OLFML2A: variants seen among roughly 807,000 people sequenced by gnomAD.
The protein encoded by OLFML2A is olfactomedin like 2A, also known as olfactomedin-like protein 2A.
Under a neutral mutation model 60.9 loss-of-function variants are expected in OLFML2A, and 47 were observed. That is an observed-to-expected ratio of 0.77 (90% CI 0.61 to 0.98). The LOEUF (loss-of-function observed/expected upper bound fraction) is 0.98. Among genes scored for constraint, OLFML2A ranks in the 50% least tolerant of loss-of-function variants. The pLI is 0.00. For synonymous variants in OLFML2A, 372 were observed against 375.0 expected, an observed-to-expected ratio of 0.99 and a Z score of 0.09; for missense variants, 922 against 879.8, an observed-to-expected ratio of 1.05 and a Z score of -0.61.
At position 124,777,412 on chromosome 9, in the gene OLFML2A, G is replaced by T; in HGVS notation, c.90+52G>T. On this transcript the variant is annotated intron_variant, in intron 1 of 7. Transcript: ENST00000373580. The surrounding 1 kb of genome is among the most constrained non-coding windows in gnomAD (Gnocchi z 6.2). ...GCTCGGCGGGTAGCGGGGCGCGAGG[G>T]GGCGCTGTGGCTGGGGTGCGGCCCG... The T allele has an allele frequency of 8.2e-7, 1 of 1,223,356 alleles. No homozygotes were observed. Among genetic ancestry groups the T allele is most frequent in the South Asian group, 3.8e-5 (1 of 26,476 alleles). The allele number at this position is 1,223,356 out of a possible 1,614,324, so 75.8% of individuals were successfully genotyped here. A position where few individuals can be genotyped will look rare whatever the true frequency, so the allele number is the denominator to read the frequency against.
At position 124,804,416 on chromosome 9, in the gene OLFML2A, C is replaced by T. The variant is rs1841849358; in HGVS notation, c.1168+74C>T. 3.2e-5 allele frequency: 45 copies of T among 1,398,534 alleles called. 1 individual carries two copies. The South Asian group carries it at 5.9e-4, about 18-fold the overall frequency. The allele number at this position is 1,398,534 out of a possible 1,614,324, so 86.6% of individuals were successfully genotyped here. On this transcript the variant is annotated intron_variant, in intron 6 of 7. Transcript: ENST00000373580. ...TAGCCCACAGCCTGTTTCTGTGAAG[C>T]CCTCAAGTTAAGAAATGCTTTTTAT...
At position 124,813,978 on chromosome 9, in the gene OLFML2A, A is replaced by T. The variant is rs180831648; in HGVS notation, c.*3566A>T. 2.0e-5 allele frequency: 3 copies of T among 152,384 alleles called. No homozygotes were observed. The highest frequency in any genetic ancestry group is 2.9e-5 in the Non-Finnish European group (2 of 68,048). The allele number at this position is 152,384 out of a possible 1,614,324, so 9.4% of individuals were successfully genotyped here. On this transcript the variant is annotated 3_prime_UTR_variant, in exon 8 of 8. Coordinates refer to ENST00000373580, the MANE Select transcript of OLFML2A (RefSeq NM_182487.4). ...CCAGGTCTTCTTGCTGACCTCGTCTACAAAGGCAAAGGAAGGCAAAGGAAG... is the reference window on the plus strand; with the variant it reads ...CCAGGTCTTCTTGCTGACCTCGTCTTCAAAGGCAAAGGAAGGCAAAGGAAG...
In OLFML2A at chr9:124,777,439, G is replaced by T. The variant is rs1841278917; in HGVS notation, c.90+79G>T. On this transcript the variant is annotated intron_variant, in intron 1 of 7. Coordinates refer to ENST00000373580, the MANE Select transcript of OLFML2A (RefSeq NM_182487.4). The surrounding 1 kb of genome is among the most constrained non-coding windows in gnomAD (Gnocchi z 6.2). ...GCGCTGTGGCTGGGGTGCGGCCCGG[G>T]AGGGAGCCCGGGGCCAGGGCGGAGG... is the stretch of plus-strand genomic sequence containing the variant. 1.7e-6 allele frequency: 2 copies of T among 1,203,578 alleles called. No homozygotes were observed. The highest frequency in any genetic ancestry group is 6.7e-5 in the East Asian group (2 of 29,960). The allele number at this position is 1,203,578 out of a possible 1,614,324, so 74.6% of individuals were successfully genotyped here. A position where few individuals can be genotyped will look rare whatever the true frequency, so the allele number is the denominator to read the frequency against.
chr9:124,802,344 G>A (rs970087167), intron 5 of OLFML2A, among the ~76,000 whole-genome samples: 2 of 152,178 alleles, frequency 1.3e-5, no homozygotes, highest in Admixed American at 6.5e-5. Context: ...GTCCCAGAGG[G>A]GTGTCCCAAA....
chr9:124,784,031 G>A (rs1300486011), intron 1 of OLFML2A, among the ~76,000 whole-genome samples: 1 of 152,066 alleles, frequency 6.6e-6, no homozygotes, highest in African/African-American at 2.4e-5. Flanking sequence ...GGGAGGGTAT[G>A]GCATATGCAA....
In OLFML2A at chr9:124,790,424, C is replaced by T. The variant is rs150649140; in HGVS notation, c.354+3186C>T. 2.9e-3 allele frequency among the ~76,000 whole-genome samples: 448 copies of T among 152,252 alleles called. 2 individuals carry two copies. Among genetic ancestry groups the T allele is most frequent in the African/African-American group, 0.01 (426 of 41,542 alleles). On this transcript the variant is annotated intron_variant, in intron 2 of 7. Transcript: ENST00000373580. ...TCCTGACCTCAAGTGATCCACGTCC[C>T]TCGGCCTCCCAATATGCTGGGATTA...
chr9:124,806,664 C>T (rs987783925), intron 6 of OLFML2A, among the ~76,000 whole-genome samples: 2 of 151,526 alleles, frequency 1.3e-5, no homozygotes, highest in African/African-American at 2.4e-5. Flanking sequence ...CTCTGTCACC[C>T]GGCTGGAGTG....
chr9:124,790,318 C>CGG, intron 2 of OLFML2A, among the ~76,000 whole-genome samples: 1 of 152,116 alleles, frequency 6.6e-6, no homozygotes, highest in South Asian at 2.1e-4. Context: ...TACAGGCGTT[C>CGG]GCCACCATGC....
Position 124,788,347 on chromosome 9 carries a change from C to T in OLFML2A, c.354+1109C>T, listed in dbSNP as rs149594795. Among the ~76,000 whole-genome samples the T allele has an allele frequency of 5.9e-4, 90 of 151,312 alleles. No homozygotes were observed. The East Asian group carries it at 0.015, about 26-fold the overall frequency. ...CCCAGGCCGGGTGCAGTGGCTCATGCCTGTAATCCCAGCACTTTGGGAGAC... is the reference window on the plus strand; with the variant it reads ...CCCAGGCCGGGTGCAGTGGCTCATGTCTGTAATCCCAGCACTTTGGGAGAC... On this transcript the variant is annotated intron_variant, in intron 2 of 7. Coordinates refer to ENST00000373580, the MANE Select transcript of OLFML2A (RefSeq NM_182487.4).
chr9:124,789,789 T>G (rs966359276), intron 2 of OLFML2A, among the ~76,000 whole-genome samples: 2 of 152,134 alleles, frequency 1.3e-5, no homozygotes, highest in African/African-American at 2.4e-5. Flanking sequence ...CTCTCAAAAT[T>G]GGGTGGGGAG....
rs367749008 is a variant in OLFML2A at position 124,787,116 on chromosome 9, G to A, written c.232G>A (p.Glu78Lys). The change falls in exon 2 of 8, where the codon GAG becomes AAG. Residue 78 changes from glutamate to lysine, a missense_variant. Transcript: ENST00000373580. ...RARVEDFYTV[E>K]TVSSGTDCRC... is the part of the protein sequence containing the mutation. ...ACGCGTGGAGGACTTCTACACGGTG[G>A]AGACTGTGAGCTCGGGCACTGACTG... 38 of 1,614,114 alleles carry A rather than the reference G, an allele frequency of 2.4e-5. 1 individual carries two copies. The highest frequency in any genetic ancestry group is 3.1e-5 in the Non-Finnish European group (36 of 1,180,056).
At chr9:124,804,053 G>C (rs1330480145) in intron 5 of OLFML2A, 41 bp from the exon 6 acceptor site, 1 of 1,603,348 alleles carries the variant, frequency 6.2e-7, no homozygotes, top group Admixed American at 1.7e-5. Flanking sequence ...CACGGCAGCA[G>C]GTGGTGCTGA....
At chr9:124,788,324 C>G (rs2416951) in intron 2 of OLFML2A, among the ~76,000 whole-genome samples, 85,528 of 150,712 alleles carry the variant, frequency 0.57, 24,559 homozygotes, top group East Asian at 0.75. Context: ...TAAAGAAACC[C>G]AGGCCGGGTG....
intron 3 of OLFML2A, among the ~76,000 whole-genome samples, chr9:124,797,580 A>G (rs1007114046): frequency 2.0e-5 from 3 of 152,226 alleles, no homozygotes; most frequent in African/African-American, 7.2e-5. Flanking sequence ...CAATTTCTAC[A>G]AATGAAATTC....
In OLFML2A at chr9:124,810,854, G is replaced by A. The variant is rs767966621; in HGVS notation, c.*442G>A. On this transcript the variant is annotated 3_prime_UTR_variant, in exon 8 of 8. Coordinates refer to ENST00000373580, the MANE Select transcript of OLFML2A (RefSeq NM_182487.4). ...CGGTCTCCCTTGTTCTCTCAACCCAGTCTCCCTTCCCAGGGCCACTCAGAA... is the reference window on the plus strand; with the variant it reads ...CGGTCTCCCTTGTTCTCTCAACCCAATCTCCCTTCCCAGGGCCACTCAGAA... 3.9e-5 allele frequency: 6 copies of A among 155,204 alleles called. No homozygotes were observed. Among genetic ancestry groups the A allele is most frequent in the Non-Finnish European group, 6.6e-5 (5 of 76,166 alleles). 9.6% of individuals were successfully genotyped at this position (155,204 alleles called of 1,614,324 possible).
At chr9:124,796,015 C>G (rs1479770963) in intron 3 of OLFML2A, among the ~76,000 whole-genome samples, 1 of 152,220 alleles carries the variant, frequency 6.6e-6, no homozygotes, top group Non-Finnish European at 1.5e-5. Context: ...GCTGGCGCAG[C>G]CTCACCTCCG....
At position 124,812,397 on chromosome 9, in the gene OLFML2A, G is replaced by C. The variant is rs972113903; in HGVS notation, c.*1985G>C. On this transcript the variant is annotated 3_prime_UTR_variant, in exon 8 of 8. Coordinates refer to ENST00000373580, the MANE Select transcript of OLFML2A (RefSeq NM_182487.4). ...GCTGGTCTCGAACTCCTGACCTTAG[G>C]TGATCCGCCCGCCTCAGCCTCCCAA... 2 of 152,258 alleles carry C rather than the reference G, an allele frequency of 1.3e-5. No homozygotes were observed. The highest frequency in any genetic ancestry group is 2.9e-5 in the Non-Finnish European group (2 of 68,122). The allele number at this position is 152,258 out of a possible 1,614,324, so 9.4% of individuals were successfully genotyped here. A position where few individuals can be genotyped will look rare whatever the true frequency, so the allele number is the denominator to read the frequency against.
At chr9:124,785,390 C>CTTTTTTTTTTTTTTTT (rs1171618111) in intron 1 of OLFML2A, among the ~76,000 whole-genome samples, 1 of 62,254 alleles carries the variant, frequency 1.6e-5, no homozygotes, top group Non-Finnish European at 2.8e-5. Flanking sequence ...CATTTTCTTT[C>CTTTTTTTTTTTTTTTT]TTTTTTTTTT....
chr9:124,807,292 C>CACTTTTT (rs1554757483), intron 6 of OLFML2A, among the ~76,000 whole-genome samples: 1 of 86,512 alleles, frequency 1.2e-5, no homozygotes. Flanking sequence ...TTTCTCCATT[C>CACTTTTT]TCTTTTTTTT....
Sources: allele counts gnomAD v4.1 joint callset (sites outside exome capture counted in the v4.1 genomes callset), GRCh38; gene constraint gnomAD v4.1.1; non-coding constraint Gnocchi (gnomAD v3.1); transcripts MANE v1.5; gene names NCBI Gene and HGNC (gene_info 2026-07-23, HGNC 2026-07-21).